The following CRYBG1 variants were observed in gnomAD, a reference collection of about 807,000 sequenced individuals.
CRYBG1 encodes the protein crystallin beta-gamma domain containing 1, also known as beta/gamma crystallin domain-containing protein 1.
Under a neutral mutation model 189.2 loss-of-function variants are expected in CRYBG1, and 139 were observed. The ratio of observed to expected loss-of-function variants is 0.73; its 90% CI spans 0.64 to 0.85. CRYBG1 has a LOEUF of 0.85. CRYBG1 is among the 40% of genes least tolerant of loss of function. The pLI is 0.00. For synonymous variants in CRYBG1, 1,023 were observed against 1,017.1 expected, an observed-to-expected ratio of 1.01 and a Z score of -0.11; for missense variants, 2,611 against 2,675.8, an observed-to-expected ratio of 0.98 and a Z score of 0.53.
intron 2 of CRYBG1, among the ~76,000 whole-genome samples, chr6:106,495,324 G>T (rs182760514): frequency 2.8e-4 from 42 of 152,184 alleles, no homozygotes; most frequent in Admixed American, 5.9e-4. Flanking sequence ...GAAGTAAGAA[G>T]ATTGATATGG....
intron 1 of CRYBG1, among the ~76,000 whole-genome samples, chr6:106,363,100 C>T (rs1203558300): frequency 1.3e-5 from 2 of 150,970 alleles, no homozygotes; most frequent in African/African-American, 2.4e-5. Context: ...AAAAATTAGC[C>T]GGGCATGGTG....
At chr6:106,464,432 G>A (rs919640928) in intron 2 of CRYBG1, among the ~76,000 whole-genome samples, 2 of 150,634 alleles carry the variant, frequency 1.3e-5, no homozygotes, top group Non-Finnish European at 2.9e-5. Flanking sequence ...GGCAGAGGTT[G>A]CAGTGAGCCA....
At chr6:106,419,478 G>C (rs1424841962) in intron 1 of CRYBG1, among the ~76,000 whole-genome samples, 1 of 152,160 alleles carries the variant, frequency 6.6e-6, no homozygotes, top group Non-Finnish European at 1.5e-5. Flanking sequence ...AACCTCCTGG[G>C]CTCAAGCAGT....
chr6:106,512,253 A>C lies in CRYBG1; in HGVS notation c.1136A>C (p.Asp379Ala), dbSNP rs1326836346. The C allele has an allele frequency of 6.5e-7, 1 of 1,550,336 alleles. No individual in the cohort carries two copies. The highest frequency in any genetic ancestry group is 1.2e-5 in the South Asian group (1 of 84,740). Residue 379 changes from aspartate (D) to alanine (A), a missense_variant, in exon 3 of 22, where the codon GAC becomes GCC. This residue lies in a region of CRYBG1 where 985 missense variants were observed against 924.4 expected (regional missense o/e 1.07). Coordinates refer to ENST00000633556, the MANE Select transcript of CRYBG1 (RefSeq NM_001371242.2). The stretch of plus-strand genomic sequence containing the variant: ...CACCCTGCTAAGGTGCTAACTTTGG[A>C]CATCTACTTGAGTAAGACTGAGGGG... ...HAHPAKVLTL[D>A]IYLSKTEGAQ...
intron 1 of CRYBG1, among the ~76,000 whole-genome samples, chr6:106,433,651 C>T (rs545795877): frequency 1.0e-4 from 15 of 149,702 alleles, no homozygotes; most frequent in South Asian, 8.5e-4. Context: ...ATCTAATTTA[C>T]AGTCCATTTG....
intron 1 of CRYBG1, among the ~76,000 whole-genome samples, chr6:106,427,780 C>T (rs1351240945): frequency 6.6e-6 from 1 of 152,164 alleles, no homozygotes; most frequent in East Asian, 1.9e-4. Flanking sequence ...CCTCATTACA[C>T]TCAGAATAAA....
intron 4 of CRYBG1, 125 bp from the exon 5 acceptor site, chr6:106,525,008 G>C: frequency 1.1e-6 from 1 of 914,682 alleles, no homozygotes; most frequent in Non-Finnish European, 1.7e-6. Context: ...ATCCATTAGA[G>C]TGGAGGTTTC....
At chr6:106,364,241 C>A (rs1771937637) in intron 1 of CRYBG1, among the ~76,000 whole-genome samples, 1 of 152,042 alleles carries the variant, frequency 6.6e-6, no homozygotes, top group Non-Finnish European at 1.5e-5. Flanking sequence ...ACAGGAGAAT[C>A]CCTTGAACCC....
At chr6:106,501,051 C>T (rs964595378) in intron 2 of CRYBG1, among the ~76,000 whole-genome samples, 4 of 152,130 alleles carry the variant, frequency 2.6e-5, no homozygotes, top group Non-Finnish European at 5.9e-5. Context: ...ATTTAAGTGC[C>T]TATTGGTACC....
At chr6:106,427,499 T>C (rs1771247561) in intron 1 of CRYBG1, among the ~76,000 whole-genome samples, 1 of 152,132 alleles carries the variant, frequency 6.6e-6, no homozygotes, top group Non-Finnish European at 1.5e-5. Context: ...AAAATATGTC[T>C]AGAATCTGAC....
chr6:106,551,938 G>T lies in CRYBG1; in HGVS notation c.5399G>T (p.Gly1800Val). Residue 1800 changes from glycine (G) to valine (V), a missense_variant, in exon 14 of 22, where the codon GGC becomes GTC. Around this residue, in one of 3 missense-constraint regions of CRYBG1, gnomAD observed 1,622 missense variants for 1,735.0 expected, o/e 0.93. Coordinates refer to ENST00000633556, the MANE Select transcript of CRYBG1 (RefSeq NM_001371242.2). ...TATACCAGTTTTGAGGACTGGGGAG[G>T]CAAAAATTGTAAGATCTCTTCTGTT... is the stretch of plus-strand genomic sequence containing the variant. Reference protein sequence around the residue: ...GFYTSFEDWGGKNCKISSVQP... With the variant: ...GFYTSFEDWGVKNCKISSVQP... 1 of 1,611,050 alleles carries T rather than the reference G, an allele frequency of 6.2e-7. No individual in the cohort carries two copies. Among genetic ancestry groups the T allele is most frequent in the South Asian group, 1.1e-5 (1 of 90,842 alleles).
In CRYBG1 at chr6:106,571,733, G is replaced by T; in HGVS notation, c.*3167G>T. On this transcript the variant is annotated 3_prime_UTR_variant, in exon 22 of 22. Transcript: ENST00000633556. ...TAAAGTAGTTTAAGCTAGTAAAACAGAAGGTGCCACAACAACCTGCAAAGC... is the reference window on the plus strand; with the variant it reads ...TAAAGTAGTTTAAGCTAGTAAAACATAAGGTGCCACAACAACCTGCAAAGC... The T allele has an allele frequency of 2.6e-6, 1 of 388,828 alleles. No individual in the cohort carries two copies. Among genetic ancestry groups the T allele is most frequent in the East Asian group, 5.1e-5 (1 of 19,540 alleles). 24.1% of individuals were successfully genotyped at this position (388,828 alleles called of 1,614,324 possible). A position where few individuals can be genotyped will look rare whatever the true frequency, so the allele number is the denominator to read the frequency against.
intron 1 of CRYBG1, among the ~76,000 whole-genome samples, chr6:106,364,188 A>G (rs891549868): frequency 6.6e-6 from 1 of 152,250 alleles, no homozygotes; most frequent in Middle Eastern, 3.4e-3. Flanking sequence ...TTAGCTGGGC[A>G]TGGTGGCTCA....
intron 4 of CRYBG1, among the ~76,000 whole-genome samples, chr6:106,524,080 G>C (rs1325197998): frequency 1.3e-5 from 2 of 152,182 alleles, no homozygotes; most frequent in Non-Finnish European, 2.9e-5. Flanking sequence ...TGCAAGAGCA[G>C]TCAGAGCAAA....
In CRYBG1 at chr6:106,421,893, AAAGAGCTTGTGC is replaced by A. The variant is rs146758084; in HGVS notation, c.174-29797_174-29786del. On this transcript the variant is annotated intron_variant, in intron 1 of 21. Transcript: ENST00000633556. ...TATGTGGATGGTAGCAGGCAAAAAA[AAAGAGCTTGTGC>A]AAGGAAACTCCCATTTTTAAAACCA... is the stretch of plus-strand genomic sequence containing the variant. Among the ~76,000 whole-genome samples the A allele has an allele frequency of 3.7e-3, 561 of 152,308 alleles. 1 individual carries two copies. Among genetic ancestry groups the A allele is most frequent in the African/African-American group, 0.013 (539 of 41,564 alleles).
chr6:106,530,938 A>G (rs535393931), intron 8 of CRYBG1, among the ~76,000 whole-genome samples: 3 of 152,330 alleles, frequency 2.0e-5, no homozygotes, highest in Admixed American at 2.0e-4. Context: ...GCTTCTTTCT[A>G]TTTGATTAAA....
chr6:106,452,817 T>C (rs78991027), intron 2 of CRYBG1, among the ~76,000 whole-genome samples: 95 of 152,342 alleles, frequency 6.2e-4, no homozygotes, highest in African/African-American at 2.1e-3. Context: ...ATGCACTTAC[T>C]TGTCTGCAGG....
At chr6:106,568,353 T>G (rs1421868191) in intron 21 of CRYBG1, 119 bp from the exon 22 acceptor site, 1 of 761,766 alleles carries the variant, frequency 1.3e-6, no homozygotes, top group Non-Finnish European at 2.2e-6. Flanking sequence ...CCTTGAGGCA[T>G]GCAGTTCTAC....
At chr6:106,521,900 G>A (rs1156470612) in intron 4 of CRYBG1, among the ~76,000 whole-genome samples, 2 of 151,776 alleles carry the variant, frequency 1.3e-5, no homozygotes, top group Non-Finnish European at 2.9e-5. Flanking sequence ...TGTATTTTTA[G>A]TAAAGACTGA....
Sources: allele counts gnomAD v4.1 joint callset (sites outside exome capture counted in the v4.1 genomes callset), GRCh38; gene constraint gnomAD v4.1.1; regional missense constraint gnomAD v4.1.1; transcripts MANE v1.5; gene names NCBI Gene and HGNC (gene_info 2026-07-23, HGNC 2026-07-21).